GAN: variants seen among roughly 807,000 people sequenced by gnomAD.
GAN encodes epididymis secretory sperm binding protein.
Under a neutral mutation model 71.3 loss-of-function variants are expected in GAN, and 48 were observed. The ratio of observed to expected loss-of-function variants is 0.67; its 90% CI spans 0.53 to 0.86. GAN has a LOEUF of 0.86. GAN is among the 40% of genes least tolerant of loss of function. The probability of loss-of-function intolerance (pLI) is 0.00; values close to 1 mark genes in which losing one functional copy is unlikely to be tolerated. For synonymous variants in GAN, 386 were observed against 276.8 expected (o/e 1.39, Z -3.92); for missense variants, 928 against 770.1 (o/e 1.21, Z -2.43).
chr16:81,349,496 T>G (rs1910228569), intron 1 of GAN, among the ~76,000 whole-genome samples: 1 of 151,718 alleles, frequency 6.6e-6, no homozygotes, highest in Non-Finnish European at 1.5e-5. Context: ...GTACAAAAAT[T>G]AGCTGGGTGT....
At chr16:81,341,214 C>T (rs564154636) in intron 1 of GAN, among the ~76,000 whole-genome samples, 6 of 152,246 alleles carry the variant, frequency 3.9e-5, no homozygotes, top group African/African-American at 1.4e-4. Context: ...AGTTGGAAAA[C>T]ACTCTGCAGG....
intron 1 of GAN, among the ~76,000 whole-genome samples, chr16:81,339,471 T>C (rs1485972951): frequency 6.6e-6 from 1 of 152,196 alleles, no homozygotes; most frequent in African/African-American, 2.4e-5. Context: ...TTCAAGTTTA[T>C]TGTACATGTA....
At chr16:81,319,658 A>G (rs1256358130) in intron 1 of GAN, among the ~76,000 whole-genome samples, 9 of 152,150 alleles carry the variant, frequency 5.9e-5, no homozygotes, top group Admixed American at 5.9e-4. Context: ...GATTCCTAAG[A>G]TTTTTAGATC....
intron 1 of GAN, among the ~76,000 whole-genome samples, chr16:81,348,870 G>C (rs1472561104): frequency 6.6e-6 from 1 of 152,180 alleles, no homozygotes. Flanking sequence ...TTGCTTGGAA[G>C]ATATGTTCTG....
intron 1 of GAN, among the ~76,000 whole-genome samples, chr16:81,348,885 T>G (rs1208347270): frequency 1.3e-5 from 2 of 152,204 alleles, no homozygotes; most frequent in African/African-American, 4.8e-5. Context: ...GTTCTGGCTT[T>G]CAGTATTTTA....
At position 81,315,044 on chromosome 16, in the gene GAN, C is replaced by G. The variant is rs558816909; in HGVS notation, c.-70C>G. ...GCCGGGCGGGCGCGCGCGCAGGACT[C>G]GGGCCGCTCGAGGGGTCCGGCCGGA... is the stretch of plus-strand genomic sequence containing the variant. On this transcript the variant is annotated 5_prime_UTR_variant, in exon 1 of 11. Transcript: ENST00000648994. 3.8e-6 allele frequency: 5 copies of G among 1,303,538 alleles called. No individual in the cohort carries two copies. Among genetic ancestry groups the G allele is most frequent in the South Asian group, 1.8e-5 (1 of 56,078 alleles). 80.7% of individuals were successfully genotyped at this position (1,303,538 alleles called of 1,614,324 possible).
chr16:81,336,040 G>A (rs552919281), intron 1 of GAN, among the ~76,000 whole-genome samples: 2 of 152,244 alleles, frequency 1.3e-5, no homozygotes, highest in African/African-American at 4.8e-5. Context: ...AGACCATCCT[G>A]TGTCTTGTTG....
chr16:81,351,209 G>C (rs1910289122), intron 1 of GAN, among the ~76,000 whole-genome samples: 1 of 152,158 alleles, frequency 6.6e-6, no homozygotes, highest in African/African-American at 2.4e-5. Flanking sequence ...CTTAGCTTTT[G>C]TTTTGGATGG....
intron 5 of GAN, 57 bp downstream of exon 5, chr16:81,357,988 A>T: frequency 7.0e-7 from 1 of 1,428,894 alleles, no homozygotes; most frequent in African/African-American, 1.4e-5. Context: ...TGTAATCTCA[A>T]GGTTTTACAG....
chr16:81,360,714 C>T (rs1910645904), intron 5 of GAN, among the ~76,000 whole-genome samples: 1 of 151,872 alleles, frequency 6.6e-6, no homozygotes, highest in African/African-American at 2.4e-5. Flanking sequence ...ATTTTTTAAA[C>T]ATGATAAGCA....
rs1158305565 is a variant in GAN at position 81,385,487 on chromosome 16, C to G, written c.*7891C>G. 1 of 152,146 alleles carries G rather than the reference C, an allele frequency of 6.6e-6. No individual in the cohort carries two copies. The highest frequency in any genetic ancestry group is 2.4e-5 in the African/African-American group (1 of 41,414). The allele number at this position is 152,146 out of a possible 1,614,324, so 9.4% of individuals were successfully genotyped here. ...TCTTAAGGCTCCCAAGGCTCCGTTTCTTATGTGGAAGAAGAATAGCAGGAG... is the reference window on the plus strand; with the variant it reads ...TCTTAAGGCTCCCAAGGCTCCGTTTGTTATGTGGAAGAAGAATAGCAGGAG... On this transcript the variant is annotated 3_prime_UTR_variant, in exon 11 of 11. Transcript: ENST00000648994.
chr16:81,343,830 C>T (rs890278366), intron 1 of GAN, among the ~76,000 whole-genome samples: 1 of 152,186 alleles, frequency 6.6e-6, no homozygotes, highest in Non-Finnish European at 1.5e-5. Flanking sequence ...GTCAAATTGT[C>T]TCTGTTTGCA....
intron 2 of GAN, among the ~76,000 whole-genome samples, chr16:81,353,020 G>A (rs1022893240): frequency 4.6e-5 from 7 of 152,192 alleles, no homozygotes; most frequent in East Asian, 1.9e-4. Flanking sequence ...GGCCGGGCGC[G>A]GTGGCTCACG....
intron 1 of GAN, among the ~76,000 whole-genome samples, chr16:81,319,512 G>A (rs758694448): frequency 2.0e-5 from 3 of 152,078 alleles, no homozygotes; most frequent in Non-Finnish European, 2.9e-5. Context: ...ACGGCTATGT[G>A]CTTCTGCAGT....
chr16:81,331,194 A>C (rs1236783444), intron 1 of GAN, among the ~76,000 whole-genome samples: 1 of 152,200 alleles, frequency 6.6e-6, no homozygotes, highest in Non-Finnish European at 1.5e-5. Context: ...AACAGAGACC[A>C]TGTCTCAAAA....
rs377269528 is a variant in GAN, at chr16:81,321,209, A to G, written c.167+5929A>G. 2.0e-5 allele frequency among the ~76,000 whole-genome samples: 3 copies of G among 152,348 alleles called. No homozygotes were observed. The East Asian group carries it at 5.8e-4, about 29-fold the overall frequency. On this transcript the variant is annotated intron_variant, in intron 1 of 10. Coordinates refer to ENST00000648994, the MANE Select transcript of GAN (RefSeq NM_022041.4). ...GTTTCAAATGATGAAACAAATCAAC[A>G]AAATTCTTGTTAGACTAGTGTCTGT... is the stretch of plus-strand genomic sequence containing the variant.
In GAN at chr16:81,327,145, C is replaced by G. The variant is rs115947910; in HGVS notation, c.167+11865C>G. On this transcript the variant is annotated intron_variant, in intron 1 of 10. Transcript: ENST00000648994. ...CCAAGAAAGCTGAGAGAAGAAGAGA[C>G]CGAATTCTTTATTCAGAAAGAGTAG... is the stretch of plus-strand genomic sequence containing the variant. 2.1e-3 allele frequency among the ~76,000 whole-genome samples: 322 copies of G among 152,274 alleles called. 1 individual carries two copies. The highest frequency in any genetic ancestry group is 7.4e-3 in the African/African-American group (307 of 41,550).
intron 1 of GAN, among the ~76,000 whole-genome samples, chr16:81,337,220 G>A (rs115436910): frequency 6.6e-6 from 1 of 152,238 alleles, no homozygotes; most frequent in African/African-American, 2.4e-5. Context: ...AGGCTACACA[G>A]GCCCCTCTTC....
Position 81,376,512 on chromosome 16 carries a change from T to C in GAN, c.1503-707T>C, listed in dbSNP as rs544322562. ...GTGTGTGTGTGTGTGTGTGTGTGTA[T>C]GTGTGTGTGTATACATATATGTGTA... On this transcript the variant is annotated intron_variant, in intron 9 of 10. Coordinates refer to ENST00000648994, the MANE Select transcript of GAN (RefSeq NM_022041.4). Among the ~76,000 whole-genome samples the C allele has an allele frequency of 3.9e-5, 5 of 127,228 alleles. No homozygotes were observed. In the East Asian group the frequency reaches 1.0e-3, roughly 26 times the overall value. 83.5% of individuals were successfully genotyped at this position (127,228 alleles called of 152,430 possible). A position where few individuals can be genotyped will look rare whatever the true frequency, so the allele number is the denominator to read the frequency against.
Sources: gnomAD v4.1 joint callset for allele counts (sites outside exome capture counted in the v4.1 genomes callset) on GRCh38, gnomAD v4.1.1 for gene constraint, MANE v1.5 for transcripts, NCBI Gene and HGNC (gene_info 2026-07-23, HGNC 2026-07-21) for gene names.